LCLAT1: variants seen among roughly 807,000 people sequenced by gnomAD.
The protein encoded by LCLAT1 is lysocardiolipin acyltransferase 1.
LCLAT1 carries 11 observed loss-of-function variants against 30.7 expected under a neutral mutation model. The observed-to-expected ratio is 0.36, with a 90% CI of 0.23 to 0.59. LCLAT1 has a LOEUF of 0.59. LCLAT1 is among the 20% of genes least tolerant of loss of function. LCLAT1 has a pLI of 0.77. For synonymous variants in LCLAT1, 155 were observed against 151.3 expected (o/e 1.02, Z -0.18); for missense variants, 402 against 458.6 (o/e 0.88, Z 1.13).
chr2:30,493,773 TG>T (rs140635882), intron 1 of LCLAT1, among the ~76,000 whole-genome samples: 3,512 of 152,274 alleles, frequency 0.023, 126 homozygotes, highest in African/African-American at 0.079. Context: ...ATCTTAAATA[TG>T]ATACCAATAT....
intron 1 of LCLAT1, among the ~76,000 whole-genome samples, chr2:30,467,445 A>G (rs1207675435): frequency 6.6e-6 from 1 of 152,220 alleles, no homozygotes; most frequent in Non-Finnish European, 1.5e-5. Flanking sequence ...TCCTTTGGGT[A>G]TATACCCAGT....
intron 3 of LCLAT1, among the ~76,000 whole-genome samples, chr2:30,560,046 A>G (rs1352997863): frequency 2.0e-5 from 3 of 152,152 alleles, no homozygotes; most frequent in African/African-American, 7.2e-5. Context: ...CCAGAGCTAT[A>G]CTACTTACAC....
chr2:30,611,382 A>G (rs927472914), intron 5 of LCLAT1, among the ~76,000 whole-genome samples: 6 of 152,116 alleles, frequency 3.9e-5, no homozygotes, highest in Non-Finnish European at 5.9e-5. Flanking sequence ...GTGTGTGTGT[A>G]TACACTCACA....
chr2:30,559,702 C>T (rs1665102265), intron 3 of LCLAT1, among the ~76,000 whole-genome samples: 1 of 152,196 alleles, frequency 6.6e-6, no homozygotes, highest in African/African-American at 2.4e-5. Flanking sequence ...ATTGGCATCA[C>T]TGGTTGAGTT....
intron 5 of LCLAT1, among the ~76,000 whole-genome samples, chr2:30,624,229 C>T (rs1221830635): frequency 6.6e-6 from 1 of 152,098 alleles, no homozygotes; most frequent in Non-Finnish European, 1.5e-5. Flanking sequence ...GGTATTCAGG[C>T]AACAACTAGC....
At chr2:30,514,084 G>T in intron 1 of LCLAT1, among the ~76,000 whole-genome samples, 1 of 152,192 alleles carries the variant, frequency 6.6e-6, no homozygotes. Context: ...TTGGTTATAG[G>T]TTCTCTTAGC....
At chr2:30,610,269 T>C (rs1478420282) in intron 5 of LCLAT1, among the ~76,000 whole-genome samples, 1 of 152,120 alleles carries the variant, frequency 6.6e-6, no homozygotes, top group African/African-American at 2.4e-5. Context: ...AAGCAATACA[T>C]TATAATTAGG....
intron 1 of LCLAT1, among the ~76,000 whole-genome samples, chr2:30,448,118 C>T (rs927405218): frequency 6.6e-6 from 1 of 152,244 alleles, no homozygotes; most frequent in East Asian, 1.9e-4. Flanking sequence ...GGAAATACTG[C>T]ATCTGCCTTT....
intron 5 of LCLAT1, among the ~76,000 whole-genome samples, chr2:30,592,215 G>A (rs1666729350): frequency 6.6e-6 from 1 of 152,092 alleles, no homozygotes. Flanking sequence ...GCATGGAAAG[G>A]AAAATTGAAA....
At chr2:30,543,281 A>G (rs1452677828) in intron 3 of LCLAT1, among the ~76,000 whole-genome samples, 1 of 152,124 alleles carries the variant, frequency 6.6e-6, no homozygotes, top group Non-Finnish European at 1.5e-5. Context: ...TTAATCTCTG[A>G]TGGTAAACTA....
intron 5 of LCLAT1, among the ~76,000 whole-genome samples, chr2:30,602,653 CT>C (rs149422502): frequency 0.13 from 19,328 of 152,148 alleles, 1,367 homozygotes; most frequent in South Asian, 0.23. Flanking sequence ...TTCCTAATGA[CT>C]TTTTTTCTTC....
chr2:30,530,469 G>C (rs1161217215), intron 2 of LCLAT1, among the ~76,000 whole-genome samples: 1 of 152,172 alleles, frequency 6.6e-6, no homozygotes, highest in African/African-American at 2.4e-5. Flanking sequence ...TAACTTTCAG[G>C]CATATTCTGG....
At chr2:30,463,358 A>C (rs974043308) in intron 1 of LCLAT1, among the ~76,000 whole-genome samples, 1 of 152,148 alleles carries the variant, frequency 6.6e-6, no homozygotes. Context: ...AAACGTTATC[A>C]TACATAGAGA....
At chr2:30,633,549 G>GGT (rs1422171151) in intron 5 of LCLAT1, among the ~76,000 whole-genome samples, 5 of 152,082 alleles carry the variant, frequency 3.3e-5, no homozygotes, top group Non-Finnish European at 7.4e-5. Flanking sequence ...AGCTGGGCGT[G>GGT]GTGTGTGTGC....
chr2:30,580,263 T>G (rs993361680), intron 5 of LCLAT1, among the ~76,000 whole-genome samples: 3 of 152,200 alleles, frequency 2.0e-5, no homozygotes, highest in African/African-American at 7.2e-5. Flanking sequence ...CAATTTGATC[T>G]GAATCAAACT....
chr2:30,493,358 G>A (rs1039167089), intron 1 of LCLAT1, among the ~76,000 whole-genome samples: 65 of 152,182 alleles, frequency 4.3e-4, no homozygotes, highest in African/African-American at 1.1e-3. Flanking sequence ...AAATAAATTG[G>A]CAACTGTTTC....
intron 5 of LCLAT1, among the ~76,000 whole-genome samples, chr2:30,569,925 T>C (rs1265024279): frequency 6.6e-6 from 1 of 152,122 alleles, no homozygotes; most frequent in Non-Finnish European, 1.5e-5. Context: ...TTCATGCCTG[T>C]GGAATGGGGT....
intron 3 of LCLAT1, among the ~76,000 whole-genome samples, chr2:30,541,406 A>G (rs1428879341): frequency 1.3e-5 from 2 of 151,536 alleles, no homozygotes; most frequent in Non-Finnish European, 2.9e-5. Flanking sequence ...AAAAGAAAAA[A>G]AAAGTTATTA....
intron 1 of LCLAT1, among the ~76,000 whole-genome samples, chr2:30,461,558 G>T (rs1391227915): frequency 1.3e-5 from 2 of 151,910 alleles, no homozygotes; most frequent in African/African-American, 4.8e-5. Flanking sequence ...ACCAGGCCTG[G>T]CCCAGGTCTG....
Sources: gnomAD v4.1 joint callset for allele counts (sites outside exome capture counted in the v4.1 genomes callset) on GRCh38, gnomAD v4.1.1 for gene constraint, MANE v1.5 for transcripts, NCBI Gene and HGNC (gene_info 2026-07-23, HGNC 2026-07-21) for gene names.